The following SOX5 variants were observed in gnomAD, a reference collection of about 807,000 sequenced individuals.
The protein encoded by SOX5 is SRY-box transcription factor 5.
SOX5 carries 9 observed loss-of-function variants against 92.0 expected under a neutral mutation model. The observed-to-expected ratio is 0.10, with a 90% CI of 0.06 to 0.17. SOX5 has a LOEUF of 0.17. SOX5 is among the 10% of genes least tolerant of loss of function. The pLI is 1.00. For missense variants in SOX5, 642 were observed against 944.5 expected (o/e 0.68, Z 4.20); for synonymous variants, 344 against 336.3 (o/e 1.02, Z -0.25).
chr12:24,467,182 A>T (rs745429413), intron 1 of SOX5, among the ~76,000 whole-genome samples: 1 of 152,230 alleles, frequency 6.6e-6, no homozygotes, highest in Non-Finnish European at 1.5e-5. Context: ...TATTAATACC[A>T]TCAGATACTT....
chr12:24,149,748 G>A (rs961808488), intron 4 of SOX5, among the ~76,000 whole-genome samples: 29 of 152,160 alleles, frequency 1.9e-4, no homozygotes, highest in East Asian at 1.9e-4. Context: ...TGTAACAGCC[G>A]ATCTAGAAAC....
rs144412644 is a variant in SOX5, at chr12:24,507,607, A to G, written c.-251+54722T>C. Among the ~76,000 whole-genome samples the G allele has an allele frequency of 3.2e-3, 491 of 152,280 alleles. 4 individuals carry two copies. Among genetic ancestry groups the G allele is most frequent in the African/African-American group, 9.8e-3 (407 of 41,566 alleles). Reference sequence around the variant, plus strand: ...CTGTAAAAAAGACTTTTTTGCAACAACTTAGAAATTTTCATTATGTGCAGG... The same window carrying G: ...CTGTAAAAAAGACTTTTTTGCAACAGCTTAGAAATTTTCATTATGTGCAGG... On this transcript the variant is annotated intron_variant, in intron 1 of 4. Transcript: ENST00000446891.
intron 8 of SOX5, among the ~76,000 whole-genome samples, chr12:23,637,735 C>T (rs2079458438): frequency 6.6e-6 from 1 of 152,116 alleles, no homozygotes; most frequent in Non-Finnish European, 1.5e-5. Context: ...GAGCTAAAAA[C>T]CGAAAGACTC....
chr12:23,775,513 T>C (rs1298624967), intron 3 of SOX5, among the ~76,000 whole-genome samples: 1 of 152,220 alleles, frequency 6.6e-6, no homozygotes, highest in Non-Finnish European at 1.5e-5. Context: ...TGAGTGCATA[T>C]AATGCAATAC....
chr12:23,684,420 G>A (rs1456548105), intron 6 of SOX5, among the ~76,000 whole-genome samples: 1 of 151,862 alleles, frequency 6.6e-6, no homozygotes, highest in Non-Finnish European at 1.5e-5. Flanking sequence ...TTACATAAAG[G>A]CAGCTACTAG....
At chr12:23,535,281 T>C (rs1940100200) in intron 14 of SOX5, among the ~76,000 whole-genome samples, 1 of 152,208 alleles carries the variant, frequency 6.6e-6, no homozygotes, top group Admixed American at 6.5e-5. Context: ...AAAACTTTAC[T>C]GCCCAGAACA....
intron 4 of SOX5, among the ~76,000 whole-genome samples, chr12:24,112,931 T>C (rs1013941422): frequency 6.6e-6 from 1 of 152,016 alleles, no homozygotes; most frequent in African/African-American, 2.4e-5. Flanking sequence ...TGTGGAAGTT[T>C]ATTCTTATTT....
At chr12:23,911,290 AAATAAAACTAAACCACT>A (rs1359576268) in intron 1 of SOX5, among the ~76,000 whole-genome samples, 1 of 152,090 alleles carries the variant, frequency 6.6e-6, no homozygotes, top group Non-Finnish European at 1.5e-5. Flanking sequence ...TTATTTTGAA[AAATAAAACTAAACCACT>A]AAGGAAGACA....
chr12:24,193,606 T>C (rs1239490440), intron 4 of SOX5, among the ~76,000 whole-genome samples: 3 of 152,244 alleles, frequency 2.0e-5, no homozygotes, highest in Non-Finnish European at 4.4e-5. Flanking sequence ...GAGCACAAAC[T>C]GTTCAATCCT....
intron 9 of SOX5, among the ~76,000 whole-genome samples, chr12:23,599,549 T>A (rs1470028073): frequency 6.6e-6 from 1 of 152,226 alleles, no homozygotes; most frequent in Non-Finnish European, 1.5e-5. Flanking sequence ...TTAAACTGAC[T>A]GTTCTTGGCT....
At chr12:24,179,191 G>T (rs556339790) in intron 4 of SOX5, among the ~76,000 whole-genome samples, 2 of 152,026 alleles carry the variant, frequency 1.3e-5, no homozygotes, top group Non-Finnish European at 2.9e-5. Context: ...TTAAATATTC[G>T]AACAGTATCT....
rs1467510579 is a variant in SOX5 at position 23,530,831 on chromosome 12, G to GCGCGCGCGCA, written c.*3387_*3388insTGCGCGCGCG. On this transcript the variant is annotated 3_prime_UTR_variant, in exon 15 of 15. Coordinates refer to ENST00000451604, the MANE Select transcript of SOX5 (RefSeq NM_006940.6). Reference sequence around the variant, plus strand: ...TGTGTGTGTGTGTGCGCGCGCGCGCGCGCGCATGTGAGAGAGAGAGAGAAA... The same window carrying GCGCGCGCGCA: ...TGTGTGTGTGTGTGCGCGCGCGCGCGCGCGCGCGCACGCGCATGTGAGAGAGAGAGAGAAA... The GCGCGCGCGCA allele has an allele frequency of 6.6e-6, 1 of 151,226 alleles. No individual in the cohort carries two copies. The highest frequency in any genetic ancestry group is 1.5e-5 in the Non-Finnish European group (1 of 67,874). 9.4% of individuals were successfully genotyped at this position (151,226 alleles called of 1,614,324 possible).
chr12:23,788,158 C>CAA (rs891072401), intron 3 of SOX5, among the ~76,000 whole-genome samples: 1 of 151,252 alleles, frequency 6.6e-6, no homozygotes, highest in African/African-American at 2.4e-5. Flanking sequence ...TACAGAAAGA[C>CAA]AAAGTTCAAA....
intron 3 of SOX5, among the ~76,000 whole-genome samples, chr12:24,254,384 T>TA (rs111692850): frequency 0.05 from 7,110 of 143,406 alleles, 385 homozygotes; most frequent in African/African-American, 0.14. Flanking sequence ...TTGTAAGTTG[T>TA]AAAAAAAAAA....
chr12:23,972,657 C>T lies in SOX5; in HGVS notation c.-1-76633G>A, dbSNP rs1052440744. 2.0e-5 allele frequency among the ~76,000 whole-genome samples: 3 copies of T among 152,094 alleles called. 1 individual carries two copies. The highest frequency in any genetic ancestry group is 1.5e-5 in the Non-Finnish European group (1 of 67,990). On this transcript the variant is annotated intron_variant, in intron 4 of 4. Transcript: ENST00000446891. ...TACAGGTATGAGCCACTGCGCCAGG[C>T]CCTTTTTATGTTTTTTATTTAAATA...
chr12:24,405,457 C>A (rs554794116), intron 1 of SOX5, among the ~76,000 whole-genome samples: 1 of 152,020 alleles, frequency 6.6e-6, no homozygotes, highest in East Asian at 1.9e-4. Context: ...TTGTGAGGTT[C>A]GAAAGCCTAA....
chr12:23,975,364 T>G (rs1948787743), intron 4 of SOX5, among the ~76,000 whole-genome samples: 1 of 152,080 alleles, frequency 6.6e-6, no homozygotes, highest in African/African-American at 2.4e-5. Flanking sequence ...AAAAATTAAG[T>G]GTAAAGCGTG....
chr12:23,871,623 T>C (rs1048036587), intron 2 of SOX5, among the ~76,000 whole-genome samples: 2 of 152,168 alleles, frequency 1.3e-5, no homozygotes, highest in Admixed American at 6.5e-5. Context: ...AAGATTTTTG[T>C]TCTTGTAAAC....
chr12:23,711,594 G>A (rs1228107455), intron 6 of SOX5, among the ~76,000 whole-genome samples: 1 of 151,976 alleles, frequency 6.6e-6, no homozygotes, highest in Non-Finnish European at 1.5e-5. Flanking sequence ...TGTGTCTTAT[G>A]AAAAGATATG....
Sources: allele counts gnomAD v4.1 joint callset (sites outside exome capture counted in the v4.1 genomes callset), GRCh38; gene constraint gnomAD v4.1.1; transcripts MANE v1.5; gene names NCBI Gene and HGNC (gene_info 2026-07-23, HGNC 2026-07-21).